HSD17B4: variants seen among roughly 807,000 people sequenced by gnomAD.
The protein encoded by HSD17B4 is peroxisomal multifunctional enzyme type 2.
HSD17B4 carries 70 observed loss-of-function variants against 101.0 expected under a neutral mutation model. That is an observed-to-expected ratio of 0.69 (90% CI 0.57 to 0.85). HSD17B4 has a LOEUF of 0.85. Ranked by LOEUF, HSD17B4 falls within the 40% of genes least tolerant of loss-of-function variation. The pLI is 0.00. For synonymous variants in HSD17B4, 347 were observed against 297.1 expected, an observed-to-expected ratio of 1.17 and a Z score of -1.73; for missense variants, 984 against 892.4, an observed-to-expected ratio of 1.10 and a Z score of -1.31.
intron 23 of HSD17B4, among the ~76,000 whole-genome samples, chr5:119,537,309 A>C (rs916837186): frequency 5.3e-5 from 8 of 152,182 alleles, no homozygotes; most frequent in Non-Finnish European, 8.8e-5. Flanking sequence ...GCATCAGATA[A>C]AATCTAAATT....
chr5:119,473,759 T>C, intron 2 of HSD17B4, 149 bp from the exon 3 acceptor site: 2 of 680,020 alleles, frequency 2.9e-6, no homozygotes, highest in East Asian at 5.4e-5. Context: ...GGCTGTGTTG[T>C]GTTTAGTAAG....
intron 2 of HSD17B4, among the ~76,000 whole-genome samples, chr5:119,461,305 C>T (rs1205760234): frequency 6.6e-6 from 1 of 151,314 alleles, no homozygotes; most frequent in African/African-American, 2.4e-5. Flanking sequence ...ATAGGCAAAA[C>T]AATAATAAAT....
chr5:119,533,138 A>G (rs1220039348), intron 22 of HSD17B4, among the ~76,000 whole-genome samples: 1 of 152,134 alleles, frequency 6.6e-6, no homozygotes, highest in Non-Finnish European at 1.5e-5. Flanking sequence ...TATATAAATA[A>G]TTCTTGTAGA....
intron 1 of HSD17B4, among the ~76,000 whole-genome samples, chr5:119,454,133 G>A (rs1754356002): frequency 6.6e-6 from 1 of 152,176 alleles, no homozygotes; most frequent in East Asian, 1.9e-4. Flanking sequence ...ATAGTGTGTA[G>A]TACAGGCAAT....
chr5:119,534,900 T>C (rs1270375142), intron 22 of HSD17B4, among the ~76,000 whole-genome samples: 1 of 152,046 alleles, frequency 6.6e-6, no homozygotes, highest in Non-Finnish European at 1.5e-5. Context: ...GTGCACAAAA[T>C]CATTTAAAAC....
intron 17 of HSD17B4, among the ~76,000 whole-genome samples, chr5:119,521,098 G>C (rs1230266230): frequency 1.3e-5 from 2 of 152,174 alleles, no homozygotes; most frequent in Non-Finnish European, 2.9e-5. Context: ...CCCAAGAACG[G>C]CTCCTGTGTA....
At chr5:119,494,324 CTTTT>C in intron 11 of HSD17B4, among the ~76,000 whole-genome samples, 1 of 116,780 alleles carries the variant, frequency 8.6e-6, no homozygotes, top group East Asian at 2.8e-4. Flanking sequence ...TTCTTTCTTT[CTTTT>C]CTTTCTTTCT....
At chr5:119,514,774 A>G (rs1215484098) in intron 16 of HSD17B4, among the ~76,000 whole-genome samples, 1 of 152,162 alleles carries the variant, frequency 6.6e-6, no homozygotes, top group Non-Finnish European at 1.5e-5. Flanking sequence ...TAGAAAGGTC[A>G]TTTCAGGCAA....
chr5:119,493,606 C>A lies in HSD17B4; in HGVS notation c.740-212C>A. The A allele has an allele frequency of 8.0e-6, 4 of 502,402 alleles. No homozygotes were observed. The South Asian group carries it at 8.3e-5, about 10-fold the overall frequency. 31.1% of individuals were successfully genotyped at this position (502,402 alleles called of 1,614,324 possible). On this transcript the variant is annotated intron_variant, in intron 10 of 23. Transcript: ENST00000510025. ...TGGCATAGTCAGAGGAGAAATTTTTCCCTTCAGCTTCAAATGTTTCTTTAA... is the reference window on the plus strand; with the variant it reads ...TGGCATAGTCAGAGGAGAAATTTTTACCTTCAGCTTCAAATGTTTCTTTAA...
rs752125216 is a variant in HSD17B4, at chr5:119,475,714, G to A, written c.289G>A (p.Val97Ile). 3.8e-5 allele frequency: 60 copies of A among 1,597,278 alleles called. No individual in the cohort carries two copies. Among genetic ancestry groups the A allele is most frequent in the Non-Finnish European group, 5.0e-5 (58 of 1,166,652 alleles). ...ATCTTTTTATATTGTAGATGTTGTG[G>A]TCAACAATGCTGGGTGAGTATTTCT... ...LDAFGRIDVV[V>I]NNAGILRDRS... Residue 97 changes from valine to isoleucine, a missense_variant, in exon 5 of 24, where the codon GTC becomes ATC. Transcript: ENST00000510025.
At chr5:119,524,892 C>T (rs1753434835) in intron 17 of HSD17B4, among the ~76,000 whole-genome samples, 1 of 152,006 alleles carries the variant, frequency 6.6e-6, no homozygotes, top group Admixed American at 6.6e-5. Flanking sequence ...AAACATTTAC[C>T]TTATCTGTGT....
intron 6 of HSD17B4, 123 bp from the exon 7 acceptor site, chr5:119,477,294 A>G: frequency 4.3e-6 from 3 of 705,190 alleles, no homozygotes; most frequent in Non-Finnish European, 7.5e-6. Flanking sequence ...GTGTGACAGT[A>G]GGCAATTTTA....
chr5:119,525,656 A>G (rs1753520346), intron 18 of HSD17B4: 4 of 537,724 alleles, frequency 7.4e-6, no homozygotes, highest in East Asian at 3.3e-5. Context: ...CATGGTTACA[A>G]CCAAAACTAA....
rs141688212 is a variant in HSD17B4, at chr5:119,525,525, C to A, written c.1573+240C>A. On this transcript the variant is annotated intron_variant, in intron 18 of 23. Coordinates refer to ENST00000510025, the MANE Select transcript of HSD17B4 (RefSeq NM_000414.4). ...CGCTAGTGCGAGGTCTAGGATAGGA[C>A]CACGAGGGTGGGTGTGTGAGTTATC... Among the ~76,000 whole-genome samples the A allele has an allele frequency of 3.7e-3, 562 of 152,154 alleles. 3 individuals carry two copies. Among genetic ancestry groups the A allele is most frequent in the African/African-American group, 0.013 (545 of 41,536 alleles).
intron 4 of HSD17B4, 44 bp downstream of exon 4, chr5:119,474,504 CT>C (rs1748389409): frequency 8.9e-7 from 1 of 1,128,676 alleles, no homozygotes; most frequent in South Asian, 1.2e-5. Context: ...CAACTTCTAC[CT>C]TCCTAATGAA....
At chr5:119,491,454 C>A (rs951485388) in intron 9 of HSD17B4, among the ~76,000 whole-genome samples, 106 of 144,214 alleles carry the variant, frequency 7.4e-4, no homozygotes, top group Non-Finnish European at 1.1e-3. Flanking sequence ...ACATCAGACT[C>A]ATCAGACTTT....
At position 119,531,416 on chromosome 5, in the gene HSD17B4, C is replaced by A. The variant is rs1754094951; in HGVS notation, c.1993+12C>A. On this transcript the variant is annotated intron_variant, in intron 22 of 23. Transcript: ENST00000510025. ...TGGGGCTAAGTGGAGTAAGTTATAG[C>A]CCTGATTTTATAATATTCTAAGGTA... 1.2e-6 allele frequency: 2 copies of A among 1,607,824 alleles called. No homozygotes were observed. Among genetic ancestry groups the A allele is most frequent in the Non-Finnish European group, 1.7e-6 (2 of 1,174,646 alleles).
intron 2 of HSD17B4, among the ~76,000 whole-genome samples, chr5:119,463,655 C>CTTTTTTTTTTTTTTTTTTTTTT (rs57252147): frequency 3.4e-5 from 1 of 29,688 alleles, no homozygotes; most frequent in Non-Finnish European, 8.1e-5. Context: ...ATTTATATGT[C>CTTTTTTTTTTTTTTTTTTTTTT]TTTTTTTTTT....
intron 8 of HSD17B4, among the ~76,000 whole-genome samples, chr5:119,480,148 A>C (rs1267724389): frequency 6.6e-6 from 1 of 151,920 alleles, no homozygotes; most frequent in Admixed American, 6.6e-5. Context: ...TTTTGTTGAG[A>C]TGTCTATTCA....
Sources: allele counts gnomAD v4.1 joint callset (sites outside exome capture counted in the v4.1 genomes callset), GRCh38; gene constraint gnomAD v4.1.1; transcripts MANE v1.5; gene names NCBI Gene and HGNC (gene_info 2026-07-23, HGNC 2026-07-21).